ZFHX3: variants seen among roughly 807,000 people sequenced by gnomAD.
The protein encoded by ZFHX3 is zinc finger homeobox protein 3.
Under a neutral mutation model 279.1 loss-of-function variants are expected in ZFHX3, and 42 were observed. The ratio of observed to expected loss-of-function variants is 0.15; its 90% CI spans 0.12 to 0.19. The LOEUF (loss-of-function observed/expected upper bound fraction) is 0.19, where lower values mean the gene tolerates loss of function less well. ZFHX3 is among the 10% of genes least tolerant of loss of function. The pLI is 1.00. For synonymous variants in ZFHX3, 2,293 were observed against 1,957.8 expected (o/e 1.17, Z -4.52); for missense variants, 4,981 against 4,754.0 (o/e 1.05, Z -1.40).
intron 3 of ZFHX3, among the ~76,000 whole-genome samples, chr16:73,449,514 C>A (rs1011063178): frequency 3.9e-5 from 6 of 152,020 alleles, no homozygotes; most frequent in Middle Eastern, 6.8e-3. Flanking sequence ...ACAACAACAA[C>A]AATAATATAA....
intron 5 of ZFHX3, among the ~76,000 whole-genome samples, chr16:73,184,555 G>A (rs1228577586): frequency 2.0e-5 from 3 of 152,182 alleles, no homozygotes; most frequent in Non-Finnish European, 1.5e-5. Flanking sequence ...CAGGTCGTGA[G>A]CCTGTGGGGC....
intron 1 of ZFHX3, among the ~76,000 whole-genome samples, chr16:73,878,845 A>T (rs1269943964): frequency 6.6e-6 from 1 of 151,916 alleles, no homozygotes; most frequent in South Asian, 2.1e-4. Flanking sequence ...AGTGAAGTTC[A>T]ACGTCACTTG....
At chr16:72,882,263 G>A (rs1222076069) in intron 4 of ZFHX3, among the ~76,000 whole-genome samples, 1 of 151,216 alleles carries the variant, frequency 6.6e-6, no homozygotes, top group African/African-American at 2.4e-5. Flanking sequence ...GGCAGCGTTG[G>A]GCACGTGCTG....
At chr16:73,108,593 C>G (rs1040033677) in intron 7 of ZFHX3, among the ~76,000 whole-genome samples, 2 of 152,046 alleles carry the variant, frequency 1.3e-5, no homozygotes, top group African/African-American at 4.8e-5. Context: ...GATATCTTCT[C>G]CTCCATCTAG....
At chr16:73,761,088 T>A (rs1256278748) in intron 1 of ZFHX3, among the ~76,000 whole-genome samples, 1 of 151,906 alleles carries the variant, frequency 6.6e-6, no homozygotes, top group Non-Finnish European at 1.5e-5. Flanking sequence ...GAAAACCTCA[T>A]CATCTCAGCC....
intron 2 of ZFHX3, among the ~76,000 whole-genome samples, chr16:73,461,385 A>G (rs2018467661): frequency 6.6e-6 from 1 of 152,184 alleles, no homozygotes; most frequent in Non-Finnish European, 1.5e-5. Flanking sequence ...GGCCTTTCAT[A>G]GAGTAAAAGT....
intron 4 of ZFHX3, among the ~76,000 whole-genome samples, chr16:73,288,525 G>T (rs747883661): frequency 5.3e-5 from 8 of 152,130 alleles, no homozygotes; most frequent in African/African-American, 1.4e-4. Context: ...AAAACAAAAA[G>T]GCCGTGCGTC....
At chr16:72,941,680 C>A (rs1005129435) in intron 3 of ZFHX3, among the ~76,000 whole-genome samples, 1 of 151,866 alleles carries the variant, frequency 6.6e-6, no homozygotes, top group Admixed American at 6.6e-5. Flanking sequence ...ATATAAATTT[C>A]TTTTTATACA....
At chr16:73,365,122 G>A (rs1461449447) in intron 3 of ZFHX3, among the ~76,000 whole-genome samples, 1 of 152,240 alleles carries the variant, frequency 6.6e-6, no homozygotes, top group Non-Finnish European at 1.5e-5. Context: ...ATTCTCCAGA[G>A]GAATTCCATG....
At position 72,794,038 on chromosome 16, in the gene ZFHX3, C is replaced by T. The variant is rs2035806999; in HGVS notation, c.8644G>A (p.Ala2882Thr). 10 of 1,614,092 alleles carry T rather than the reference C, an allele frequency of 6.2e-6. No homozygotes were observed. The South Asian group carries it at 6.6e-5, about 11-fold the overall frequency. ...NEGLTKAAMM[A>T]MSEYEDRLSS... Reference sequence around the variant, plus strand: ...AACCGATCTTCATACTCAGACATTGCCATCATGGCCGCTTTGGTCAACCCT... The same window carrying T: ...AACCGATCTTCATACTCAGACATTGTCATCATGGCCGCTTTGGTCAACCCT... The change falls in exon 9 of 10, where the codon GCA (alanine) becomes ACA (threonine). Residue 2882 changes from alanine to threonine, a missense_variant. Ala to Thr is a moderately conservative substitution (Grantham distance 58). Around this residue, in one of 7 missense-constraint regions of ZFHX3, gnomAD observed 744 missense variants for 701.3 expected, o/e 1.06. Coordinates refer to ENST00000268489, the MANE Select transcript of ZFHX3 (RefSeq NM_006885.4). The surrounding 1 kb of genome is among the most constrained non-coding windows in gnomAD (Gnocchi z 4.2).
At chr16:73,436,604 A>G (rs1270728076) in intron 3 of ZFHX3, among the ~76,000 whole-genome samples, 1 of 152,198 alleles carries the variant, frequency 6.6e-6, no homozygotes, top group African/African-American at 2.4e-5. Context: ...AGGTGCAGAC[A>G]CAGCCAAACC....
At chr16:73,307,967 A>C (rs2015221718) in intron 4 of ZFHX3, among the ~76,000 whole-genome samples, 1 of 151,616 alleles carries the variant, frequency 6.6e-6, no homozygotes, top group African/African-American at 2.4e-5. Flanking sequence ...ACCAGCACTC[A>C]CCCCCAAATT....
Position 73,682,991 on chromosome 16 carries a change from A to AAAGAAAGAAAGAAAGAAAGAAAGAAAG in ZFHX3, c.-1607-2752_-1607-2751insCTTTCTTTCTTTCTTTCTTTCTTTCTT, listed in dbSNP as rs1555532226. On this transcript the variant is annotated intron_variant, in intron 1 of 17. Transcript: ENST00000641206. ...GAAAGAAAGAAAGAAAGAAAGAAAGAAAAGAAAGAAAGAAAGAAAGAGAAA... is the reference window on the plus strand; with the variant it reads ...GAAAGAAAGAAAGAAAGAAAGAAAGAAAGAAAGAAAGAAAGAAAGAAAGAAAGAAAGAAAGAAAGAAAGAAAGAGAAA... 3.1e-4 allele frequency among the ~76,000 whole-genome samples: 13 copies of AAAGAAAGAAAGAAAGAAAGAAAGAAAG among 42,420 alleles called. 1 individual carries two copies. The highest frequency in any genetic ancestry group is 9.1e-4 in the African/African-American group (12 of 13,242). The allele number at this position is 42,420 out of a possible 152,430, so 27.8% of individuals were successfully genotyped here.
intron 1 of ZFHX3, among the ~76,000 whole-genome samples, chr16:73,872,510 C>T (rs539676457): frequency 1.1e-4 from 16 of 152,080 alleles, no homozygotes; most frequent in African/African-American, 3.6e-4. Context: ...GCTGGGATTA[C>T]AGGCATGAGC....
At position 73,634,556 on chromosome 16, in the gene ZFHX3, T is replaced by C. The variant is rs777345762; in HGVS notation, c.-1547+45624A>G. Among the ~76,000 whole-genome samples, 21 of 151,714 alleles carry C rather than the reference T, an allele frequency of 1.4e-4. No individual in the cohort carries two copies. In the South Asian group the frequency reaches 2.5e-3, roughly 18 times the overall value. On this transcript the variant is annotated intron_variant, in intron 2 of 17. Transcript: ENST00000641206. ...GATACAGTTTTTAGAAAGTATAGAC[T>C]GTGTTCATAGCATTTTGTATCAGCA...
intron 1 of ZFHX3, among the ~76,000 whole-genome samples, chr16:72,976,751 T>G (rs1391079406): frequency 6.6e-6 from 1 of 152,234 alleles, no homozygotes; most frequent in Non-Finnish European, 1.5e-5. Context: ...GTGGTCACAG[T>G]GAACTGACTG....
At chr16:73,864,058 T>C (rs983378493) in intron 1 of ZFHX3, among the ~76,000 whole-genome samples, 2 of 152,236 alleles carry the variant, frequency 1.3e-5, no homozygotes, top group African/African-American at 4.8e-5. Context: ...ATTTGCCTTA[T>C]CTAAGCTTGC....
rs1322538753 is a variant in ZFHX3 at position 72,957,708 on chromosome 16, G to T, written c.2438C>A (p.Thr813Asn). 1 of 1,614,048 alleles carries T rather than the reference G, an allele frequency of 6.2e-7. No homozygotes were observed. The highest frequency in any genetic ancestry group is 8.5e-7 in the Non-Finnish European group (1 of 1,180,036). ...TWRCEVCDYETNVARNLRIHM... is the reference protein window; with the variant it reads ...TWRCEVCDYENNVARNLRIHM... ...AATGCGGAGGTTCCTGGCCACGTTG[G>T]TCTCATAATCACACACCTCGCACCG... Residue 813 changes from threonine (T) to asparagine (N), a missense_variant, in exon 2 of 10, where the codon ACC becomes AAC. Coordinates refer to ENST00000268489, the MANE Select transcript of ZFHX3 (RefSeq NM_006885.4).
chr16:72,824,846 C>T (rs2036894307), intron 5 of ZFHX3, among the ~76,000 whole-genome samples: 1 of 152,244 alleles, frequency 6.6e-6, no homozygotes, highest in Admixed American at 6.5e-5. Flanking sequence ...AGAATACACA[C>T]ATTCAAATCT....
Sources: gnomAD v4.1 joint callset for allele counts (sites outside exome capture counted in the v4.1 genomes callset) on GRCh38, gnomAD v4.1.1 for gene constraint, gnomAD v4.1.1 regional missense constraint, Gnocchi (gnomAD v3.1) non-coding constraint, MANE v1.5 for transcripts, NCBI Gene and HGNC (gene_info 2026-07-23, HGNC 2026-07-21) for gene names.